EPHA3: variants seen among roughly 807,000 people sequenced by gnomAD.
EPHA3 encodes the protein ephrin type-A receptor 3.
EPHA3 carries 42 observed loss-of-function variants against 107.1 expected under a neutral mutation model. The observed-to-expected ratio is 0.39, with a 90% CI of 0.31 to 0.51. The LOEUF (loss-of-function observed/expected upper bound fraction) is 0.51. EPHA3 is among the 20% of genes least tolerant of loss of function. The pLI, the probability that EPHA3 is intolerant of heterozygous loss-of-function variation, is 0.78. For missense variants in EPHA3, 1,183 were observed against 1,211.2 expected (o/e 0.98, Z 0.35); for synonymous variants, 461 against 424.8 (o/e 1.09, Z -1.05).
chr3:89,223,693 A>T (rs1380778773), intron 3 of EPHA3, among the ~76,000 whole-genome samples: 2 of 152,182 alleles, frequency 1.3e-5, no homozygotes, highest in Non-Finnish European at 2.9e-5. Flanking sequence ...GCGTGACTTG[A>T]CTTTATACAT....
intron 7 of EPHA3, among the ~76,000 whole-genome samples, chr3:89,405,528 C>T (rs1352431572): frequency 2.6e-5 from 4 of 152,166 alleles, no homozygotes; most frequent in Non-Finnish European, 4.4e-5. Flanking sequence ...TCCTGCCACA[C>T]TCTGAGCACT....
chr3:89,302,381 A>G (rs1371811460), intron 3 of EPHA3, among the ~76,000 whole-genome samples: 1 of 151,758 alleles, frequency 6.6e-6, no homozygotes, highest in African/African-American at 2.4e-5. Flanking sequence ...ATTCTGGTTG[A>G]TATAAAAGAC....
At chr3:89,467,165 A>G (rs1222402470) in intron 15 of EPHA3, among the ~76,000 whole-genome samples, 1 of 152,304 alleles carries the variant, frequency 6.6e-6, no homozygotes, top group East Asian at 1.9e-4. Flanking sequence ...AAATTGGCAA[A>G]TATAAGATTT....
intron 6 of EPHA3, among the ~76,000 whole-genome samples, chr3:89,397,863 G>A (rs927639723): frequency 2.6e-4 from 39 of 152,230 alleles, no homozygotes; most frequent in African/African-American, 8.9e-4. Flanking sequence ...GATTACAGGC[G>A]TGAGCCACCA....
intron 2 of EPHA3, among the ~76,000 whole-genome samples, chr3:89,147,122 G>A (rs1299193840): frequency 6.6e-6 from 1 of 151,732 alleles, no homozygotes; most frequent in Non-Finnish European, 1.5e-5. Flanking sequence ...ATTCATAAGT[G>A]GGAGCTGAAT....
At chr3:89,407,448 A>G in intron 8 of EPHA3, 77 bp downstream of exon 8, 1 of 1,157,864 alleles carries the variant, frequency 8.6e-7, no homozygotes, top group East Asian at 2.4e-5. Flanking sequence ...TAAAATGTGA[A>G]GAGTGTGCTC....
intron 7 of EPHA3, among the ~76,000 whole-genome samples, chr3:89,405,086 AG>A (rs528994137): frequency 6.6e-6 from 1 of 152,140 alleles, no homozygotes; most frequent in Non-Finnish European, 1.5e-5. Flanking sequence ...GAAGGATAAA[AG>A]GCAGATGGAG....
At chr3:89,316,750 T>C in intron 3 of EPHA3, among the ~76,000 whole-genome samples, 1 of 151,392 alleles carries the variant, frequency 6.6e-6, no homozygotes, top group Non-Finnish European at 1.5e-5. Flanking sequence ...GTTAAAACAA[T>C]GCCTTTGAAA....
chr3:89,280,866 G>T (rs1705930138), intron 3 of EPHA3, among the ~76,000 whole-genome samples: 1 of 152,012 alleles, frequency 6.6e-6, no homozygotes, highest in Admixed American at 6.6e-5. Flanking sequence ...TAAAGTCTGT[G>T]ACGTAATCAT....
At chr3:89,140,478 A>T (rs1316137737) in intron 2 of EPHA3, among the ~76,000 whole-genome samples, 1 of 151,754 alleles carries the variant, frequency 6.6e-6, no homozygotes, top group African/African-American at 2.4e-5. Context: ...GTAGCTTTCA[A>T]AATAATTGGA....
intron 1 of EPHA3, among the ~76,000 whole-genome samples, chr3:89,124,037 T>C (rs1704031904): frequency 6.6e-6 from 1 of 152,172 alleles, no homozygotes; most frequent in South Asian, 2.1e-4. Context: ...TGTCAGATTT[T>C]ATCATTGCGA....
chr3:89,108,573 G>T (rs1707027771), intron 1 of EPHA3, among the ~76,000 whole-genome samples: 1 of 152,174 alleles, frequency 6.6e-6, no homozygotes, highest in South Asian at 2.1e-4. Context: ...TAACTGAATA[G>T]TAGATTAAGA....
At chr3:89,328,891 T>G (rs75547314) in intron 3 of EPHA3, among the ~76,000 whole-genome samples, 23,927 of 152,046 alleles carry the variant, frequency 0.16, 2,031 homozygotes, top group Middle Eastern at 0.26. Context: ...TCCAGGTACA[T>G]CGTTCTGGAA....
At chr3:89,319,937 C>T (rs1707004333) in intron 3 of EPHA3, among the ~76,000 whole-genome samples, 2 of 151,638 alleles carry the variant, frequency 1.3e-5, no homozygotes, top group Admixed American at 1.3e-4. Context: ...TTATATAATG[C>T]TATATACAAT....
chr3:89,316,526 AT>A (rs1706910896), intron 3 of EPHA3, among the ~76,000 whole-genome samples: 1 of 143,938 alleles, frequency 6.9e-6, no homozygotes, highest in East Asian at 2.0e-4. Flanking sequence ...ATATATATAT[AT>A]ATATATATAT....
chr3:89,370,807 A>C (rs1216972336), intron 5 of EPHA3, among the ~76,000 whole-genome samples: 1 of 151,680 alleles, frequency 6.6e-6, no homozygotes, highest in East Asian at 1.9e-4. Context: ...AAAGTATAGG[A>C]GAAACTAAAA....
intron 3 of EPHA3, among the ~76,000 whole-genome samples, chr3:89,219,688 G>GTTTTTTTTTTTGT (rs1704308493): frequency 2.9e-5 from 1 of 34,440 alleles, no homozygotes; most frequent in East Asian, 8.5e-4. Context: ...ATTTGGCAAT[G>GTTTTTTTTTTTGT]TTTTTTTTTT....
intron 5 of EPHA3, among the ~76,000 whole-genome samples, chr3:89,367,474 T>C (rs899058100): frequency 2.0e-5 from 3 of 150,712 alleles, no homozygotes; most frequent in Non-Finnish European, 4.5e-5. Context: ...CCATGTTTGC[T>C]GAACTCTTGA....
intron 3 of EPHA3, among the ~76,000 whole-genome samples, chr3:89,306,482 A>G (rs954964): frequency 0.38 from 58,306 of 152,038 alleles, 12,025 homozygotes; most frequent in Non-Finnish European, 0.46. Context: ...CAGAAAATTT[A>G]ATTTTCTATT....
Sources: gnomAD v4.1 joint callset for allele counts (sites outside exome capture counted in the v4.1 genomes callset) on GRCh38, gnomAD v4.1.1 for gene constraint, MANE v1.5 for transcripts, NCBI Gene and HGNC (gene_info 2026-07-23, HGNC 2026-07-21) for gene names.